Variants in CTCF observed in about 807,000 individuals in gnomAD.
CTCF encodes CCCTC-binding factor.
A neutral mutation model predicts 72.3 loss-of-function variants in CTCF; 7 were observed. That is an observed-to-expected ratio of 0.10 (90% CI 0.06 to 0.18). CTCF has a LOEUF of 0.18. Among genes scored for constraint, CTCF ranks in the 10% least tolerant of loss-of-function variants. The pLI is 1.00. For synonymous variants in CTCF, 374 were observed against 315.8 expected (o/e 1.18, Z -1.95); for missense variants, 516 against 949.1 (o/e 0.54, Z 6.00).
At chr16:67,593,038 T>G (rs750251448) in intron 2 of CTCF, among the ~76,000 whole-genome samples, 2 of 149,422 alleles carry the variant, frequency 1.3e-5, no homozygotes, top group Non-Finnish European at 3.0e-5. Context: ...AAAAAAAAAT[T>G]TATATATATA....
At chr16:67,583,401 A>G (rs1218995028) in intron 2 of CTCF, among the ~76,000 whole-genome samples, 1 of 152,012 alleles carries the variant, frequency 6.6e-6, no homozygotes, top group Non-Finnish European at 1.5e-5. Context: ...AAGAGTATAT[A>G]TCTAGCCAGG....
At chr16:67,629,594 T>C in intron 10 of CTCF, 61 bp downstream of exon 10, 2 of 1,565,720 alleles carry the variant, frequency 1.3e-6, no homozygotes, top group Non-Finnish European at 1.7e-6. Flanking sequence ...GTTTCCAGTG[T>C]GTTTATGTAT....
chr16:67,625,478 G>A (rs569384689), intron 7 of CTCF, among the ~76,000 whole-genome samples: 6 of 152,218 alleles, frequency 3.9e-5, no homozygotes, highest in Non-Finnish European at 8.8e-5. Flanking sequence ...AGGATTACAG[G>A]CGTGAGCCAC....
At chr16:67,597,283 GC>G (rs1460585518) in intron 2 of CTCF, among the ~76,000 whole-genome samples, 2 of 151,890 alleles carry the variant, frequency 1.3e-5, no homozygotes, top group Non-Finnish European at 2.9e-5. Context: ...CGATCTGCTG[GC>G]CTTGGCCTCT....
chr16:67,603,660 C>G (rs146054670), intron 2 of CTCF, among the ~76,000 whole-genome samples: 2 of 151,410 alleles, frequency 1.3e-5, no homozygotes, highest in East Asian at 2.0e-4. Flanking sequence ...CCCGTCTCTA[C>G]TAAAAGTACA....
rs764155091 is a variant in CTCF, at chr16:67,636,682, A to G, written c.1838-8A>G. 6.3e-7 allele frequency: 1 copy of G among 1,581,966 alleles called. No homozygotes were observed. The highest frequency in any genetic ancestry group is 1.8e-5 in the Admixed American group (1 of 56,980). ...CCCACCACCTGTGCTTCCTGATTTCATGAAAAGAAAATGCTGAACCAGATC... is the reference window on the plus strand; with the variant it reads ...CCCACCACCTGTGCTTCCTGATTTCGTGAAAAGAAAATGCTGAACCAGATC... On this transcript the variant is annotated splice_polypyrimidine_tract_variant and splice_region_variant and intron_variant, in intron 10 of 11. Transcript: ENST00000264010.
intron 2 of CTCF, among the ~76,000 whole-genome samples, chr16:67,601,895 C>T (rs950564754): frequency 2.0e-5 from 3 of 148,142 alleles, no homozygotes; most frequent in African/African-American, 7.5e-5. Flanking sequence ...ATGGAGTCTC[C>T]CTCTGTCACC....
At chr16:67,607,419 C>T (rs1417763087) in intron 2 of CTCF, among the ~76,000 whole-genome samples, 1 of 151,996 alleles carries the variant, frequency 6.6e-6, no homozygotes, top group Non-Finnish European at 1.5e-5. Flanking sequence ...TCTTTTCGTG[C>T]CTCAGCCTCC....
intron 4 of CTCF, among the ~76,000 whole-genome samples, chr16:67,612,671 G>A (rs1009350172): frequency 2.6e-5 from 4 of 151,874 alleles, no homozygotes; most frequent in African/African-American, 7.3e-5. Context: ...AGTGGCTCAC[G>A]CCTGTAATCC....
intron 1 of CTCF, chr16:67,563,719 T>C (rs1453905598): frequency 6.6e-6 from 1 of 152,242 alleles, no homozygotes; most frequent in Non-Finnish European, 1.5e-5. Context: ...TTCATTCTGA[T>C]CTCAAGTGAC....
chr16:67,585,746 C>A (rs745843783), intron 2 of CTCF, among the ~76,000 whole-genome samples: 12 of 152,154 alleles, frequency 7.9e-5, no homozygotes, highest in African/African-American at 2.7e-4. Flanking sequence ...CATAACTCTT[C>A]TATAACAGAA....
chr16:67,629,275 C>A, intron 9 of CTCF, 123 bp from the exon 10 acceptor site: 1 of 879,680 alleles, frequency 1.1e-6, no homozygotes, highest in Non-Finnish European at 1.7e-6. Context: ...ACAGCGTGTT[C>A]AGGACACACT....
At chr16:67,593,942 T>G (rs573930175) in intron 2 of CTCF, among the ~76,000 whole-genome samples, 2 of 152,324 alleles carry the variant, frequency 1.3e-5, no homozygotes, top group East Asian at 3.9e-4. Context: ...TGTTTTCCTT[T>G]GGAAATTGTC....
intron 10 of CTCF, 145 bp downstream of exon 10, chr16:67,629,678 C>T (rs2052336556): frequency 2.0e-6 from 1 of 503,604 alleles, no homozygotes; most frequent in Non-Finnish European, 2.9e-6. Context: ...CGTCTATTTA[C>T]AACAGCAGTT....
At chr16:67,579,716 A>G (rs1366526520) in intron 2 of CTCF, among the ~76,000 whole-genome samples, 1 of 152,084 alleles carries the variant, frequency 6.6e-6, no homozygotes, top group African/African-American at 2.4e-5. Context: ...TTGCCATTAG[A>G]GAAAAATACC....
At position 67,626,694 on chromosome 16, in the gene CTCF, G is replaced by A. The variant is rs1288930972; in HGVS notation, c.1497G>A (p.Gln499=). ...ATGAGAAGCGCTTTAAGTGTGACCA[G>A]TGTGATTACGCTTGTAGACAGGTAG... is the stretch of plus-strand genomic sequence containing the variant. ...HKNEKRFKCD[Q]CDYACRQERH... The change falls in exon 8 of 12, where the codon CAG becomes CAA. Residue 499 remains glutamine (Q), a synonymous_variant. Transcript: ENST00000264010. 2.0e-6 allele frequency: 3 copies of A among 1,499,294 alleles called. No homozygotes were observed. The highest frequency in any genetic ancestry group is 2.7e-5 in the South Asian group (2 of 75,164). 92.9% of individuals were successfully genotyped at this position (1,499,294 alleles called of 1,614,324 possible). A position where few individuals can be genotyped will look rare whatever the true frequency, so the allele number is the denominator to read the frequency against.
chr16:67,623,919 A>G (rs2052238163), intron 7 of CTCF, among the ~76,000 whole-genome samples: 1 of 151,844 alleles, frequency 6.6e-6, no homozygotes, highest in Non-Finnish European at 1.5e-5. Flanking sequence ...GTGGTGGCAC[A>G]TGCCTGTAGT....
At chr16:67,634,865 G>C (rs192223896) in intron 10 of CTCF, among the ~76,000 whole-genome samples, 48 of 151,628 alleles carry the variant, frequency 3.2e-4, no homozygotes, top group African/African-American at 1.1e-3. Flanking sequence ...ACCACACCTA[G>C]CTAATTTTTG....
At chr16:67,634,918 G>A (rs1305117491) in intron 10 of CTCF, among the ~76,000 whole-genome samples, 1 of 152,006 alleles carries the variant, frequency 6.6e-6, no homozygotes, top group Non-Finnish European at 1.5e-5. Flanking sequence ...GGCCAGGCTT[G>A]TCTCGAACTC....
Sources: gnomAD v4.1 joint callset for allele counts (sites outside exome capture counted in the v4.1 genomes callset) on GRCh38, gnomAD v4.1.1 for gene constraint, MANE v1.5 for transcripts, NCBI Gene and HGNC (gene_info 2026-07-23, HGNC 2026-07-21) for gene names.